Variants in DLG2 observed in about 807,000 individuals in gnomAD.
DLG2 encodes the protein disks large homolog 2.
In DLG2, 45 loss-of-function variants were observed where a neutral mutation model predicts 132.5. The observed-to-expected ratio is 0.34, with a 90% CI of 0.27 to 0.44. The LOEUF is 0.44. DLG2 is among the 20% of genes least tolerant of loss of function. The pLI is 1.00. For synonymous variants in DLG2, 424 were observed against 419.6 expected (o/e 1.01, Z -0.13); for missense variants, 1,045 against 1,196.9 (o/e 0.87, Z 1.87).
rs534770952 is a variant in DLG2, at chr11:84,010,243, C to A, written c.920-29601G>T. Among the ~76,000 whole-genome samples the A allele has an allele frequency of 5.9e-5, 9 of 151,808 alleles. No homozygotes were observed. The East Asian group carries it at 1.7e-3, about 29-fold the overall frequency. ...TGAGAATGACATAAATGATCATGAC[C>A]ACTGACATTTATTTTGAATGATAAA... On this transcript the variant is annotated intron_variant, in intron 11 of 27. Transcript: ENST00000376104.
intron 6 of DLG2, among the ~76,000 whole-genome samples, chr11:84,793,277 T>C (rs2074128502): frequency 1.3e-5 from 2 of 152,234 alleles, no homozygotes; most frequent in South Asian, 2.1e-4. Context: ...AGATGAATAC[T>C]ATTATTTCAA....
chr11:83,850,833 GAA>G (rs1473657699), intron 16 of DLG2, among the ~76,000 whole-genome samples: 2 of 152,170 alleles, frequency 1.3e-5, no homozygotes, highest in Non-Finnish European at 2.9e-5. Context: ...CTCTGTCCCT[GAA>G]AAGTTTACAC....
intron 4 of DLG2, among the ~76,000 whole-genome samples, chr11:85,188,082 G>T (rs1052611791): frequency 3.9e-5 from 6 of 152,174 alleles, no homozygotes; most frequent in African/African-American, 1.4e-4. Flanking sequence ...AAGCGCAGAG[G>T]AGACATGGGA....
chr11:83,876,385 A>G (rs561712808), intron 15 of DLG2, among the ~76,000 whole-genome samples: 3 of 152,286 alleles, frequency 2.0e-5, no homozygotes, highest in Admixed American at 6.5e-5. Context: ...CACAAGGTGT[A>G]TATTTCTGTG....
intron 3 of DLG2, among the ~76,000 whole-genome samples, chr11:85,402,094 C>T (rs540753084): frequency 6.6e-6 from 1 of 152,146 alleles, no homozygotes; most frequent in Non-Finnish European, 1.5e-5. Flanking sequence ...TCAAACTATA[C>T]TACAAGGCTA....
intron 7 of DLG2, among the ~76,000 whole-genome samples, chr11:84,346,403 T>C (rs1208456545): frequency 1.3e-5 from 2 of 152,206 alleles, no homozygotes; most frequent in South Asian, 2.1e-4. Context: ...TATCAGTACA[T>C]GTTTATGAAA....
intron 15 of DLG2, among the ~76,000 whole-genome samples, chr11:83,889,661 T>C (rs2069086654): frequency 1.3e-5 from 2 of 152,070 alleles, no homozygotes; most frequent in Admixed American, 1.3e-4. Flanking sequence ...CATGCACATG[T>C]ATGTTTATTT....
At position 84,469,029 on chromosome 11, in the gene DLG2, C is replaced by G. The variant is rs1407929201; in HGVS notation, c.519+65541G>C. ...CAGACAGGGACCAAACCAGTCTATCCCAGTACTTAGCATATTACTAGACAA... is the reference window on the plus strand; with the variant it reads ...CAGACAGGGACCAAACCAGTCTATCGCAGTACTTAGCATATTACTAGACAA... On this transcript the variant is annotated intron_variant, in intron 7 of 27. Transcript: ENST00000376104. Among the ~76,000 whole-genome samples, 3 of 151,470 alleles carry G rather than the reference C, an allele frequency of 2.0e-5. No individual in the cohort carries two copies. In the East Asian group the frequency reaches 5.8e-4, roughly 29 times the overall value.
chr11:84,382,708 T>A (rs562750443), intron 7 of DLG2, among the ~76,000 whole-genome samples: 26 of 152,246 alleles, frequency 1.7e-4, no homozygotes, highest in African/African-American at 6.0e-4. Context: ...TCTTTAGTTA[T>A]GGCATCATTA....
chr11:84,927,782 A>T (rs4943906), intron 6 of DLG2, among the ~76,000 whole-genome samples: 92,547 of 151,834 alleles, frequency 0.61, 29,994 homozygotes, highest in East Asian at 0.92. Context: ...TAGCTTGTAA[A>T]TTGCCGACTT....
chr11:85,203,000 A>G (rs2081580484), intron 4 of DLG2, among the ~76,000 whole-genome samples: 1 of 150,642 alleles, frequency 6.6e-6, no homozygotes, highest in Admixed American at 6.6e-5. Context: ...ATAAGAACAA[A>G]CCCAACTTAT....
At chr11:84,798,097 G>A (rs992958939) in intron 6 of DLG2, among the ~76,000 whole-genome samples, 6 of 152,084 alleles carry the variant, frequency 3.9e-5, no homozygotes, top group Non-Finnish European at 4.4e-5. Context: ...TAGCCATGAC[G>A]ACTGGAACTG....
rs530531896 is a variant in DLG2, at chr11:85,084,377, T to C, written c.357+27284A>G. Among the ~76,000 whole-genome samples, 510 of 152,282 alleles carry C rather than the reference T, an allele frequency of 3.3e-3. 2 individuals are homozygous for C. Among genetic ancestry groups the C allele is most frequent in the African/African-American group, 0.012 (497 of 41,566 alleles). On this transcript the variant is annotated intron_variant, in intron 6 of 27. Coordinates refer to ENST00000376104, the MANE Select transcript of DLG2 (RefSeq NM_001142699.3). ...AAGAAAATATGGAAGTAGGGGCTGG[T>C]AAATGTTCTTTTCTGGTTTCTTTTA...
intron 6 of DLG2, among the ~76,000 whole-genome samples, chr11:84,894,624 A>C (rs1186454007): frequency 2.0e-5 from 3 of 152,158 alleles, no homozygotes; most frequent in Non-Finnish European, 4.4e-5. Flanking sequence ...TGAAGTTCTA[A>C]GGCAGGGAAT....
intron 15 of DLG2, among the ~76,000 whole-genome samples, chr11:83,891,905 G>A (rs1157245324): frequency 6.6e-6 from 1 of 152,170 alleles, no homozygotes; most frequent in Non-Finnish European, 1.5e-5. Flanking sequence ...AAAAGCCCCA[G>A]CTGTATAATG....
intron 2 of DLG2, among the ~76,000 whole-genome samples, chr11:85,612,561 G>A (rs2081079329): frequency 6.6e-6 from 1 of 152,180 alleles, no homozygotes; most frequent in African/African-American, 2.4e-5. Context: ...AGTTAATATG[G>A]ACTGAACGAG....
chr11:84,430,705 A>T (rs2098981984), intron 7 of DLG2, among the ~76,000 whole-genome samples: 1 of 152,092 alleles, frequency 6.6e-6, no homozygotes, highest in African/African-American at 2.4e-5. Flanking sequence ...CTGACCTTAT[A>T]ACAGTTGTGC....
At chr11:84,981,475 C>T (rs552898117) in intron 6 of DLG2, among the ~76,000 whole-genome samples, 6 of 152,242 alleles carry the variant, frequency 3.9e-5, no homozygotes, top group African/African-American at 1.4e-4. Context: ...CTGCACCAAA[C>T]CCAGCTCAGA....
At chr11:85,465,470 A>G (rs1303302144) in intron 3 of DLG2, among the ~76,000 whole-genome samples, 4 of 149,802 alleles carry the variant, frequency 2.7e-5, no homozygotes, top group African/African-American at 9.8e-5. Context: ...CCCACCCCAC[A>G]ACAGGCCCTG....
Sources: allele counts gnomAD v4.1 joint callset (sites outside exome capture counted in the v4.1 genomes callset), GRCh38; gene constraint gnomAD v4.1.1; transcripts MANE v1.5; gene names NCBI Gene and HGNC (gene_info 2026-07-23, HGNC 2026-07-21).